PLEKHA5: variants seen among roughly 807,000 people sequenced by gnomAD.
PLEKHA5 encodes the protein pleckstrin homology domain containing A5, also known as pleckstrin homology domain-containing family A member 5.
Under a neutral mutation model 181.9 loss-of-function variants are expected in PLEKHA5, and 55 were observed. The ratio of observed to expected loss-of-function variants is 0.30; its 90% confidence interval spans 0.24 to 0.38. PLEKHA5 has a LOEUF of 0.38. Among genes scored for constraint, PLEKHA5 ranks in the 10% least tolerant of loss-of-function variants. The pLI is 1.00. For synonymous variants in PLEKHA5, 535 were observed against 529.4 expected, an observed-to-expected ratio of 1.01 and a Z score of -0.15; for missense variants, 1,432 against 1,549.5, an observed-to-expected ratio of 0.92 and a Z score of 1.27.
chr12:19,218,417 A>G (rs777746578), intron 3 of PLEKHA5, among the ~76,000 whole-genome samples: 2 of 152,210 alleles, frequency 1.3e-5, no homozygotes. Flanking sequence ...GATGCCATAT[A>G]TTTAATGTAA....
chr12:19,328,516 C>T (rs1355149407), intron 20 of PLEKHA5, among the ~76,000 whole-genome samples: 3 of 151,332 alleles, frequency 2.0e-5, no homozygotes, highest in Non-Finnish European at 4.4e-5. Context: ...GTAGTTCTTC[C>T]TATAGACATC....
chr12:19,166,726 A>G (rs2044480353), intron 3 of PLEKHA5, among the ~76,000 whole-genome samples: 1 of 152,194 alleles, frequency 6.6e-6, no homozygotes, highest in Non-Finnish European at 1.5e-5. Flanking sequence ...CTTTAAAGAA[A>G]ACCCTATATA....
chr12:19,230,392 C>T lies in PLEKHA5; in HGVS notation c.228-23548C>T, dbSNP rs535859971. Reference sequence around the variant, plus strand: ...TCAGCCCTTGGGTGGTTGATGGGACCGGGCGTCGCAGAGCGGGGGCGGTGC... The same window carrying T: ...TCAGCCCTTGGGTGGTTGATGGGACTGGGCGTCGCAGAGCGGGGGCGGTGC... On this transcript the variant is annotated intron_variant, in intron 3 of 31. Transcript: ENST00000429027. 1.9e-4 allele frequency among the ~76,000 whole-genome samples: 29 copies of T among 152,244 alleles called. No individual in the cohort carries two copies. In the South Asian group the frequency reaches 2.1e-3, roughly 11 times the overall value.
Position 19,334,829 on chromosome 12 carries a change from A to AAAT in PLEKHA5, c.2449-1685_2449-1684insATA. Among the ~76,000 whole-genome samples the AAAT allele has an allele frequency of 3.1e-3, 58 of 18,582 alleles. 1 individual carries two copies. The highest frequency in any genetic ancestry group is 7.1e-3 in the African/African-American group (58 of 8,204). 12.2% of individuals were successfully genotyped at this position (18,582 alleles called of 152,430 possible). A position where few individuals can be genotyped will look rare whatever the true frequency, so the allele number is the denominator to read the frequency against. Reference sequence around the variant, plus strand: ...AAATCCTGTCTTCACAAAAAAAAAAAATATATATATATATATATATATATA... The same window carrying AAAT: ...AAATCCTGTCTTCACAAAAAAAAAAAAATATATATATATATATATATATATATA... On this transcript the variant is annotated intron_variant, in intron 20 of 31. Transcript: ENST00000429027.
intron 3 of PLEKHA5, among the ~76,000 whole-genome samples, chr12:19,229,658 C>G (rs553102484): frequency 6.6e-6 from 1 of 152,086 alleles, no homozygotes; most frequent in East Asian, 1.9e-4. Flanking sequence ...TCGCAAAGAG[C>G]GAAAGAACAA....
chr12:19,284,340 A>T (rs1208729253), intron 12 of PLEKHA5, among the ~76,000 whole-genome samples: 1 of 152,160 alleles, frequency 6.6e-6, no homozygotes, highest in African/African-American at 2.4e-5. Context: ...AAGTGCTGAG[A>T]TTGCAGGTGT....
At chr12:19,335,923 C>T (rs1446577216) in intron 20 of PLEKHA5, among the ~76,000 whole-genome samples, 1 of 152,084 alleles carries the variant, frequency 6.6e-6, no homozygotes, top group Non-Finnish European at 1.5e-5. Context: ...TGAGCCACTG[C>T]GTCTGGCAGA....
Position 19,358,369 on chromosome 12 carries a change from G to A in PLEKHA5, c.3280G>A (p.Gly1094Ser), listed in dbSNP as rs371053506. 1.5e-5 allele frequency: 24 copies of A among 1,613,644 alleles called. No individual in the cohort carries two copies. The East Asian group carries it at 2.7e-4, about 18-fold the overall frequency. ...GAAGAAAAAAGGGTTAAATGTTATC[G>A]GTGCTTCAGACCAGTCACCCTTACA... ...REKKKGLNVI[G>S]ASDQSPLQSP... Residue 1094 changes from glycine (G) to serine (S), a missense_variant, in exon 27 of 32, where the codon GGT (glycine) becomes AGT (serine). Physicochemically the swap from Gly to Ser is moderately conservative, Grantham distance 56 (BLOSUM62 0). This residue lies in a region of PLEKHA5 where 1,143 missense variants were observed against 1,168.4 expected (regional missense o/e 0.98). Coordinates refer to ENST00000429027, the MANE Select transcript of PLEKHA5 (RefSeq NM_001256470.2).
At chr12:19,166,162 G>A (rs1255457418) in intron 3 of PLEKHA5, among the ~76,000 whole-genome samples, 1 of 152,076 alleles carries the variant, frequency 6.6e-6, no homozygotes. Context: ...AATAAACTGT[G>A]TGTGGGCTTC....
At chr12:19,131,983 G>A (rs1005659430) in intron 2 of PLEKHA5, among the ~76,000 whole-genome samples, 1 of 152,094 alleles carries the variant, frequency 6.6e-6, no homozygotes, top group African/African-American at 2.4e-5. Context: ...CATTTGTGTA[G>A]CTGAAAAATA....
intron 3 of PLEKHA5, among the ~76,000 whole-genome samples, chr12:19,155,299 A>G (rs2041421189): frequency 1.3e-5 from 2 of 152,244 alleles, no homozygotes; most frequent in African/African-American, 4.8e-5. Context: ...CCATGAGGTT[A>G]CATCAAAACA....
At chr12:19,143,424 C>G (rs2038006479) in intron 3 of PLEKHA5, among the ~76,000 whole-genome samples, 1 of 152,022 alleles carries the variant, frequency 6.6e-6, no homozygotes, top group South Asian at 2.1e-4. Context: ...CTTATAGAAG[C>G]AATTCATTTT....
At chr12:19,253,838 C>G in intron 3 of PLEKHA5, 102 bp from the exon 4 acceptor site, 1 of 805,512 alleles carries the variant, frequency 1.2e-6, no homozygotes, top group Non-Finnish European at 2.1e-6. Context: ...AAAAAAAAGG[C>G]TGGAAGTTTG....
At chr12:19,355,991 G>A (rs979609196) in intron 26 of PLEKHA5, among the ~76,000 whole-genome samples, 1 of 151,616 alleles carries the variant, frequency 6.6e-6, no homozygotes, top group African/African-American at 2.4e-5. Context: ...ATGGTGAAAC[G>A]CTGTCTCAAC....
chr12:19,330,284 G>A (rs1375818131), intron 20 of PLEKHA5, among the ~76,000 whole-genome samples: 1 of 152,072 alleles, frequency 6.6e-6, no homozygotes, highest in Non-Finnish European at 1.5e-5. Context: ...CTAAAACATA[G>A]AATGACTACA....
At chr12:19,253,829 A>T in intron 3 of PLEKHA5, 111 bp from the exon 4 acceptor site, 2 of 780,776 alleles carry the variant, frequency 2.6e-6, no homozygotes. Flanking sequence ...TCAAAAACAA[A>T]AAAAAAGGCT....
chr12:19,182,203 TG>T (rs2048772084), intron 3 of PLEKHA5, among the ~76,000 whole-genome samples: 1 of 152,232 alleles, frequency 6.6e-6, no homozygotes, highest in Non-Finnish European at 1.5e-5. Context: ...TTAAGTTTTT[TG>T]TTTGGCCAGA....
At chr12:19,129,992 C>T in intron 1 of PLEKHA5, 59 bp from the exon 2 acceptor site, 6 of 1,466,724 alleles carry the variant, frequency 4.1e-6, no homozygotes, top group South Asian at 3.7e-5. Flanking sequence ...TGCAGCCCCT[C>T]GGCTCGCCCC....
chr12:19,195,776 A>G (rs1254076882), intron 3 of PLEKHA5, among the ~76,000 whole-genome samples: 1 of 151,946 alleles, frequency 6.6e-6, no homozygotes, highest in African/African-American at 2.4e-5. Flanking sequence ...TGAGATATAT[A>G]TATATACACA....
Sources: gnomAD v4.1 joint callset for allele counts (sites outside exome capture counted in the v4.1 genomes callset) on GRCh38, gnomAD v4.1.1 for gene constraint, gnomAD v4.1.1 regional missense constraint, MANE v1.5 for transcripts, NCBI Gene and HGNC (gene_info 2026-07-23, HGNC 2026-07-21) for gene names.